The following PIP4K2A variants were observed in gnomAD, a reference collection of about 807,000 sequenced individuals.
PIP4K2A encodes the protein phosphatidylinositol-5-phosphate 4-kinase type 2 alpha, also known as phosphatidylinositol 5-phosphate 4-kinase type-2 alpha.
In PIP4K2A, 14 loss-of-function variants were observed where a neutral mutation model predicts 42.9. That is an observed-to-expected ratio of 0.33 (90% confidence interval 0.22 to 0.51). PIP4K2A has a LOEUF of 0.51. Among genes scored for constraint, PIP4K2A ranks in the 20% least tolerant of loss-of-function variants. The pLI is 0.97. For missense variants in PIP4K2A, 434 were observed against 519.8 expected, an observed-to-expected ratio of 0.83 and a Z score of 1.61; for synonymous variants, 192 against 192.2, an observed-to-expected ratio of 1.00 and a Z score of 0.01.
chr10:22,551,556 A>G (rs1474605252), intron 6 of PIP4K2A, among the ~76,000 whole-genome samples: 1 of 152,246 alleles, frequency 6.6e-6, no homozygotes, highest in Non-Finnish European at 1.5e-5. Flanking sequence ...AGCAAACAGG[A>G]TAATATAGGC....
chr10:22,545,762 T>G (rs1395747125), intron 7 of PIP4K2A, among the ~76,000 whole-genome samples: 1 of 152,138 alleles, frequency 6.6e-6, no homozygotes, highest in Non-Finnish European at 1.5e-5. Flanking sequence ...TGGAGTACAG[T>G]GGTATGATCA....
At position 22,664,143 on chromosome 10, in the gene PIP4K2A, A is replaced by G. The variant is rs1448207060; in HGVS notation, c.144+50040T>C. On this transcript the variant is annotated intron_variant, in intron 1 of 9. Transcript: ENST00000376573. ...TATATATATATACATATATATATAC[A>G]TATATATACACATATATATATATAC... is the stretch of plus-strand genomic sequence containing the variant. 1.4e-3 allele frequency among the ~76,000 whole-genome samples: 39 copies of G among 27,874 alleles called. 1 individual carries two copies. Among genetic ancestry groups the G allele is most frequent in the Admixed American group, 4.1e-3 (8 of 1,932 alleles). The allele number at this position is 27,874 out of a possible 152,430, so 18.3% of individuals were successfully genotyped here. A position where few individuals can be genotyped will look rare whatever the true frequency, so the allele number is the denominator to read the frequency against.
At chr10:22,543,736 C>T (rs1273543194) in intron 7 of PIP4K2A, among the ~76,000 whole-genome samples, 1 of 152,166 alleles carries the variant, frequency 6.6e-6, no homozygotes, top group Non-Finnish European at 1.5e-5. Context: ...GTGGGGGCGG[C>T]TGCGGGGAGA....
intron 1 of PIP4K2A, among the ~76,000 whole-genome samples, chr10:22,626,872 C>G (rs1000198471): frequency 2.0e-5 from 3 of 152,162 alleles, no homozygotes; most frequent in Non-Finnish European, 4.4e-5. Context: ...ACAACTGTCA[C>G]AGTTTCATGA....
At chr10:22,697,408 G>A (rs1261871179) in intron 1 of PIP4K2A, among the ~76,000 whole-genome samples, 1 of 152,116 alleles carries the variant, frequency 6.6e-6, no homozygotes, top group Non-Finnish European at 1.5e-5. Flanking sequence ...GTAGAGGGAT[G>A]GTAACATCCA....
intron 1 of PIP4K2A, chr10:22,694,369 ATC>A (rs2130904552): frequency 6.6e-6 from 1 of 152,302 alleles, no homozygotes; most frequent in South Asian, 2.1e-4. Context: ...TCCCTCTGTC[ATC>A]TGTTCAATTT....
At chr10:22,587,073 G>A (rs10828322) in intron 4 of PIP4K2A, among the ~76,000 whole-genome samples, 87,551 of 152,046 alleles carry the variant, frequency 0.58, 25,951 homozygotes, top group East Asian at 0.94. Context: ...AGATTGCTGG[G>A]AAGGTCAGTG....
At chr10:22,647,701 G>A (rs1838912156) in intron 1 of PIP4K2A, among the ~76,000 whole-genome samples, 1 of 152,192 alleles carries the variant, frequency 6.6e-6, no homozygotes, top group African/African-American at 2.4e-5. Flanking sequence ...GCCTCAGAAA[G>A]GTCACAGAAG....
intron 6 of PIP4K2A, among the ~76,000 whole-genome samples, chr10:22,565,770 TTC>T (rs1319396358): frequency 2.0e-5 from 3 of 152,296 alleles, no homozygotes; most frequent in Admixed American, 2.0e-4. Flanking sequence ...TATCGCTGAA[TTC>T]TTTTTCTCAG....
chr10:22,700,202 T>G, intron 1 of PIP4K2A, among the ~76,000 whole-genome samples: 1 of 152,184 alleles, frequency 6.6e-6, no homozygotes, highest in East Asian at 1.9e-4. Context: ...CTGCTGATAC[T>G]TGGAGGCAGT....
intron 1 of PIP4K2A, among the ~76,000 whole-genome samples, chr10:22,683,835 TCACACACACACACA>T (rs138327782): frequency 4.6e-4 from 64 of 139,404 alleles, no homozygotes; most frequent in East Asian, 1.7e-3. Context: ...ACCAAGCAGT[TCACACACACACACA>T]CACACACACA....
intron 1 of PIP4K2A, among the ~76,000 whole-genome samples, chr10:22,670,584 T>C (rs1028705618): frequency 6.6e-6 from 1 of 152,318 alleles, no homozygotes; most frequent in Non-Finnish European, 1.5e-5. Flanking sequence ...TTAATAATAG[T>C]AATTTCAAAA....
At chr10:22,554,267 C>A (rs537984556) in intron 6 of PIP4K2A, among the ~76,000 whole-genome samples, 2 of 152,112 alleles carry the variant, frequency 1.3e-5, no homozygotes, top group Non-Finnish European at 2.9e-5. Flanking sequence ...ATGAGCAGTG[C>A]TTATATTAGA....
intron 1 of PIP4K2A, among the ~76,000 whole-genome samples, chr10:22,688,609 T>C (rs1349184179): frequency 1.3e-5 from 2 of 152,090 alleles, no homozygotes; most frequent in Non-Finnish European, 2.9e-5. Context: ...CTCACCACCA[T>C]GCCTGGTTAA....
At chr10:22,710,708 A>C (rs549469813) in intron 1 of PIP4K2A, among the ~76,000 whole-genome samples, 1 of 152,108 alleles carries the variant, frequency 6.6e-6, no homozygotes, top group African/African-American at 2.4e-5. Flanking sequence ...AATACCTGAC[A>C]TTTTTGCCAA....
At chr10:22,694,043 T>C (rs771534013) in intron 1 of PIP4K2A, 1 of 152,128 alleles carries the variant, frequency 6.6e-6, no homozygotes, top group African/African-American at 2.4e-5. Context: ...CGGACTACCT[T>C]TTCATACCCC....
intron 7 of PIP4K2A, among the ~76,000 whole-genome samples, chr10:22,547,896 C>T (rs552366793): frequency 3.9e-5 from 6 of 152,314 alleles, no homozygotes; most frequent in African/African-American, 1.4e-4. Flanking sequence ...TAGAACAGGG[C>T]TGCTGTTACA....
chr10:22,685,535 A>T (rs1839747387), intron 1 of PIP4K2A, among the ~76,000 whole-genome samples: 1 of 151,712 alleles, frequency 6.6e-6, no homozygotes, highest in Non-Finnish European at 1.5e-5. Context: ...TTTCTATAAA[A>T]AACAAACAAA....
At chr10:22,633,335 G>A (rs1431378243) in intron 1 of PIP4K2A, among the ~76,000 whole-genome samples, 2 of 152,190 alleles carry the variant, frequency 1.3e-5, no homozygotes, top group African/African-American at 4.8e-5. Flanking sequence ...AGCTGCTTAC[G>A]AGGTAGATGG....
Sources: allele counts gnomAD v4.1 joint callset (sites outside exome capture counted in the v4.1 genomes callset), GRCh38; gene constraint gnomAD v4.1.1; transcripts MANE v1.5; gene names NCBI Gene and HGNC (gene_info 2026-07-23, HGNC 2026-07-21).